Variants in ITPK1 observed in about 807,000 individuals in gnomAD.
ITPK1 encodes the protein inositol 1,3,4-trisphosphate 5/6-kinase.
A neutral mutation model predicts 45.3 loss-of-function variants in ITPK1; 21 were observed. That is an observed-to-expected ratio of 0.46 (90% CI 0.33 to 0.67). The LOEUF (loss-of-function observed/expected upper bound fraction) is 0.67, where lower values mean the gene tolerates loss of function less well. Among genes scored for constraint, ITPK1 ranks in the 30% least tolerant of loss-of-function variants. The pLI is 0.02. For missense variants in ITPK1, 474 were observed against 573.5 expected (o/e 0.83, Z 1.77); for synonymous variants, 258 against 253.6 (o/e 1.02, Z -0.16).
chr14:92,945,358 T>G (rs1225645957), intron 10 of ITPK1, among the ~76,000 whole-genome samples: 1 of 152,246 alleles, frequency 6.6e-6, no homozygotes, highest in Non-Finnish European at 1.5e-5. Flanking sequence ...CCAGCCAGTG[T>G]GTGGGGCCAA....
In ITPK1 at chr14:93,032,307, G is replaced by A. The variant is rs1292950870; in HGVS notation, c.121-15506C>T. Among the ~76,000 whole-genome samples, 3 of 152,014 alleles carry A rather than the reference G, an allele frequency of 2.0e-5. No homozygotes were observed. The highest frequency in any genetic ancestry group is 1.3e-4 in the Admixed American group (2 of 15,248). ...GGAGGTTGCAGTGAGCCGAGATTAC[G>A]CCACTGCACTCCAGGCTGGGCGACA... On this transcript the variant is annotated intron_variant, in intron 3 of 10. Transcript: ENST00000267615. This position sits in a 1 kb window ranked among gnomAD's most constrained non-coding sequence, Gnocchi z 4.0.
At chr14:93,020,536 C>A (rs933598643) in intron 3 of ITPK1, among the ~76,000 whole-genome samples, 4 of 152,186 alleles carry the variant, frequency 2.6e-5, no homozygotes, top group Non-Finnish European at 4.4e-5. Context: ...CTCACCTCAG[C>A]CCAAACAGGA....
At position 93,032,642 on chromosome 14, in the gene ITPK1, G is replaced by A. The variant is rs976131335; in HGVS notation, c.121-15841C>T. On this transcript the variant is annotated intron_variant, in intron 3 of 10. Coordinates refer to ENST00000267615, the MANE Select transcript of ITPK1 (RefSeq NM_014216.6). The surrounding 1 kb of genome is among the most constrained non-coding windows in gnomAD (Gnocchi z 4.0). ...ACATCTGACCTGCCCCACCCTCAAT[G>A]GGAGGAAGTCCCCCAGGGACCACAT... 6.6e-5 allele frequency among the ~76,000 whole-genome samples: 10 copies of A among 152,150 alleles called. No homozygotes were observed. The highest frequency in any genetic ancestry group is 1.9e-4 in the African/African-American group (8 of 41,448).
chr14:92,989,053 G>A (rs1304014952), intron 5 of ITPK1, among the ~76,000 whole-genome samples: 2 of 152,062 alleles, frequency 1.3e-5, no homozygotes, highest in African/African-American at 2.4e-5. Context: ...CCTGCCTCTG[G>A]GAGCAGCTCC....
intron 2 of ITPK1, among the ~76,000 whole-genome samples, chr14:93,078,117 A>G (rs1275573916): frequency 6.6e-6 from 1 of 152,186 alleles, no homozygotes; most frequent in African/African-American, 2.4e-5. Context: ...ATGTGTAACA[A>G]TTTAGCTCAG....
At chr14:93,074,048 C>A (rs1891122841) in intron 3 of ITPK1, among the ~76,000 whole-genome samples, 1 of 152,234 alleles carries the variant, frequency 6.6e-6, no homozygotes, top group Admixed American at 6.5e-5. Context: ...AGAAGCCCAG[C>A]TGATTTTGAA....
At position 93,031,535 on chromosome 14, in the gene ITPK1, G is replaced by A. The variant is rs929431115; in HGVS notation, c.121-14734C>T. On this transcript the variant is annotated intron_variant, in intron 3 of 10. Transcript: ENST00000267615. ...ACCATGATGCTTCGAAGACAGCAGC[G>A]GGCCAGGGGTCAGGAGCCTGGCACT... 6.6e-5 allele frequency among the ~76,000 whole-genome samples: 10 copies of A among 152,170 alleles called. 1 individual carries two copies. The highest frequency in any genetic ancestry group is 3.3e-4 in the Admixed American group (5 of 15,294).
At chr14:93,093,283 C>T (rs1891937141) in intron 2 of ITPK1, among the ~76,000 whole-genome samples, 1 of 152,224 alleles carries the variant, frequency 6.6e-6, no homozygotes, top group Non-Finnish European at 1.5e-5. Context: ...ATGGGGTGTG[C>T]AGGCTGCCCT....
At chr14:93,031,025 T>C (rs1249683780) in intron 3 of ITPK1, among the ~76,000 whole-genome samples, 1 of 152,108 alleles carries the variant, frequency 6.6e-6, no homozygotes. Context: ...CCCCGCTGCC[T>C]CGGAAGGAGC....
intron 3 of ITPK1, among the ~76,000 whole-genome samples, chr14:93,044,003 C>G (rs1889672729): frequency 1.3e-5 from 2 of 152,124 alleles, no homozygotes; most frequent in African/African-American, 2.4e-5. Flanking sequence ...TGGAACCCGG[C>G]TTGTGGATGG....
At chr14:92,967,219 T>C (rs2139753217) in intron 5 of ITPK1, among the ~76,000 whole-genome samples, 1 of 152,304 alleles carries the variant, frequency 6.6e-6, no homozygotes, top group Admixed American at 6.5e-5. Flanking sequence ...TATAAAACAC[T>C]ATCAACAACT....
At chr14:92,960,773 G>A (rs926014056) in intron 7 of ITPK1, among the ~76,000 whole-genome samples, 1 of 152,256 alleles carries the variant, frequency 6.6e-6, no homozygotes, top group Non-Finnish European at 1.5e-5. Context: ...GGGCTGAGGG[G>A]GGCCTGGGGA....
chr14:92,949,329 G>A (rs1887847295), intron 9 of ITPK1, among the ~76,000 whole-genome samples: 1 of 152,152 alleles, frequency 6.6e-6, no homozygotes, highest in African/African-American at 2.4e-5. Context: ...CAAACTCCTG[G>A]GCTCAAGCGA....
intron 5 of ITPK1, among the ~76,000 whole-genome samples, chr14:92,979,319 T>G (rs1297677970): frequency 6.6e-6 from 1 of 152,228 alleles, no homozygotes; most frequent in Non-Finnish European, 1.5e-5. Flanking sequence ...AGAAGGGACT[T>G]GCCTTGTCTC....
At chr14:93,042,365 C>T (rs952948386) in intron 3 of ITPK1, among the ~76,000 whole-genome samples, 2 of 152,226 alleles carry the variant, frequency 1.3e-5, no homozygotes, top group Admixed American at 1.3e-4. Flanking sequence ...CGACCCTAAT[C>T]CCTGAGTGGG....
chr14:93,081,096 G>A (rs953939262), intron 2 of ITPK1, among the ~76,000 whole-genome samples: 4 of 151,650 alleles, frequency 2.6e-5, no homozygotes, highest in African/African-American at 4.8e-5. Context: ...TTGGGAGGCC[G>A]AGGTGGGCCT....
chr14:92,994,868 G>A (rs1454260867), intron 4 of ITPK1, among the ~76,000 whole-genome samples: 1 of 152,190 alleles, frequency 6.6e-6, no homozygotes, highest in Admixed American at 6.5e-5. Flanking sequence ...TATTTATAAG[G>A]AAACAGGGTC....
chr14:92,986,625 G>T (rs932477844), intron 5 of ITPK1, among the ~76,000 whole-genome samples: 9 of 152,226 alleles, frequency 5.9e-5, no homozygotes, highest in African/African-American at 2.2e-4. Context: ...TGGACCAAGT[G>T]GGGTATCTCG....
chr14:93,114,314 G>A (rs1371971916), intron 2 of ITPK1, among the ~76,000 whole-genome samples: 1 of 152,246 alleles, frequency 6.6e-6, no homozygotes, highest in Non-Finnish European at 1.5e-5. Flanking sequence ...AGGAGCACCA[G>A]CATGGTGGGA....
Sources: allele counts gnomAD v4.1 joint callset (sites outside exome capture counted in the v4.1 genomes callset), GRCh38; gene constraint gnomAD v4.1.1; non-coding constraint Gnocchi (gnomAD v3.1); transcripts MANE v1.5; gene names NCBI Gene and HGNC (gene_info 2026-07-23, HGNC 2026-07-21).